The following TGFB2 variants were observed in gnomAD, a reference collection of about 807,000 sequenced individuals.
TGFB2 encodes transforming growth factor beta-2 proprotein.
TGFB2 carries 13 observed loss-of-function variants against 42.7 expected under a neutral mutation model. The ratio of observed to expected loss-of-function variants is 0.30; its 90% CI spans 0.20 to 0.48. TGFB2 has a LOEUF of 0.48. TGFB2 is among the 20% of genes least tolerant of loss of function. The pLI, the probability that TGFB2 is intolerant of heterozygous loss-of-function variation, is 0.99. For synonymous variants in TGFB2, 193 were observed against 193.6 expected (o/e 1.00, Z 0.03); for missense variants, 390 against 517.5 (o/e 0.75, Z 2.39).
chr1:218,357,715 C>T lies in TGFB2; in HGVS notation c.346+10668C>T, dbSNP rs1038682031. 3.9e-5 allele frequency among the ~76,000 whole-genome samples: 6 copies of T among 152,302 alleles called. No homozygotes were observed. The East Asian group carries it at 1.2e-3, about 29-fold the overall frequency. On this transcript the variant is annotated intron_variant, in intron 1 of 6. Transcript: ENST00000366930. ...TCTGGAAATAGTTTGAATGCATTTC[C>T]ATCCCTCCACAGGCAGCTGTTTTTC...
At chr1:218,433,044 C>T (rs539369520) in intron 2 of TGFB2, among the ~76,000 whole-genome samples, 11 of 152,150 alleles carry the variant, frequency 7.2e-5, no homozygotes, top group African/African-American at 2.4e-4. Flanking sequence ...GATAAATACA[C>T]CTTTCTTGAA....
At chr1:218,422,121 A>G (rs945452379) in intron 2 of TGFB2, among the ~76,000 whole-genome samples, 4 of 152,142 alleles carry the variant, frequency 2.6e-5, no homozygotes, top group Non-Finnish European at 5.9e-5. Context: ...ATCCTAGTAT[A>G]TATTGTTAGA....
intron 1 of TGFB2, among the ~76,000 whole-genome samples, chr1:218,399,713 G>A (rs757930303): frequency 6.6e-5 from 10 of 152,056 alleles, no homozygotes; most frequent in East Asian, 3.9e-4. Context: ...AGTATATAGC[G>A]TCATGTATAA....
intron 1 of TGFB2, among the ~76,000 whole-genome samples, chr1:218,399,238 C>G (rs76880472): frequency 0.11 from 16,057 of 152,124 alleles, 1,081 homozygotes; most frequent in South Asian, 0.19. Flanking sequence ...ACAGAGAGTT[C>G]CTATATACCC....
Position 218,444,277 on chromosome 1 carries a change from G to C in TGFB2, c.*2915G>C, listed in dbSNP as rs1660250628. 1 of 152,162 alleles carries C rather than the reference G, an allele frequency of 6.6e-6. No individual in the cohort carries two copies. Among genetic ancestry groups the C allele is most frequent in the African/African-American group, 2.4e-5 (1 of 41,442 alleles). The allele number at this position is 152,162 out of a possible 1,614,324, so 9.4% of individuals were successfully genotyped here. A position where few individuals can be genotyped will look rare whatever the true frequency, so the allele number is the denominator to read the frequency against. ...TTCCATCCAGCTTGACTGCCGACCA[G>C]AAAAAATGCAGAGAGATGTTTGCAC... On this transcript the variant is annotated 3_prime_UTR_variant, in exon 7 of 7. Coordinates refer to ENST00000366930, the MANE Select transcript of TGFB2 (RefSeq NM_003238.6).
chr1:218,382,229 A>G (rs926825045), intron 1 of TGFB2, among the ~76,000 whole-genome samples: 5 of 152,232 alleles, frequency 3.3e-5, no homozygotes, highest in African/African-American at 1.2e-4. Flanking sequence ...AGCTGGAAAT[A>G]TAAGTAGAAA....
At chr1:218,417,120 C>T (rs576061335) in intron 2 of TGFB2, among the ~76,000 whole-genome samples, 6 of 152,158 alleles carry the variant, frequency 3.9e-5, no homozygotes, top group Non-Finnish European at 7.3e-5. Flanking sequence ...AACTGGGTAA[C>T]GAGCAGAGGT....
chr1:218,367,660 T>C (rs964806608), intron 1 of TGFB2, among the ~76,000 whole-genome samples: 1 of 152,220 alleles, frequency 6.6e-6, no homozygotes, highest in Non-Finnish European at 1.5e-5. Flanking sequence ...GACTTGATAG[T>C]GTTCATTTTA....
In TGFB2 at chr1:218,356,898, A is replaced by G. The variant is rs542596118; in HGVS notation, c.346+9851A>G. On this transcript the variant is annotated intron_variant, in intron 1 of 6. Transcript: ENST00000366930. ...TTTTAAAGGCGGCTTTAGCAATAGT[A>G]TGACATTACGGTGTAGAAATCTAAA... is the stretch of plus-strand genomic sequence containing the variant. 4.6e-5 allele frequency among the ~76,000 whole-genome samples: 7 copies of G among 152,336 alleles called. No homozygotes were observed. The East Asian group carries it at 1.2e-3, about 25-fold the overall frequency.
intron 1 of TGFB2, among the ~76,000 whole-genome samples, chr1:218,400,604 A>G (rs765685347): frequency 1.3e-5 from 2 of 152,164 alleles, no homozygotes; most frequent in Non-Finnish European, 2.9e-5. Flanking sequence ...AAAATCTCAG[A>G]AATCACCCAT....
At chr1:218,439,969 A>G (rs1268126516) in intron 6 of TGFB2, among the ~76,000 whole-genome samples, 1 of 152,216 alleles carries the variant, frequency 6.6e-6, no homozygotes, top group Non-Finnish European at 1.5e-5. Context: ...AATCTCGAGG[A>G]AAAGGTCACT....
chr1:218,353,200 T>A (rs1656922286), intron 1 of TGFB2, among the ~76,000 whole-genome samples: 1 of 152,208 alleles, frequency 6.6e-6, no homozygotes. Context: ...TAACCTCGGA[T>A]GTCTTGGAAC....
At chr1:218,432,475 T>C (rs766116285) in intron 2 of TGFB2, among the ~76,000 whole-genome samples, 1 of 152,194 alleles carries the variant, frequency 6.6e-6, no homozygotes, top group Non-Finnish European at 1.5e-5. Flanking sequence ...TCCTTTTCTA[T>C]ATTTACTTAA....
At chr1:218,419,029 A>G (rs1659369764) in intron 2 of TGFB2, among the ~76,000 whole-genome samples, 1 of 152,202 alleles carries the variant, frequency 6.6e-6, no homozygotes, top group Non-Finnish European at 1.5e-5. Context: ...CATAGCAATC[A>G]AAGTGATTCC....
At chr1:218,375,163 T>C (rs150822547) in intron 1 of TGFB2, among the ~76,000 whole-genome samples, 8 of 152,346 alleles carry the variant, frequency 5.3e-5, no homozygotes, top group African/African-American at 1.7e-4. Flanking sequence ...ATGTTTCTTT[T>C]GCTTTGTATA....
intron 1 of TGFB2, among the ~76,000 whole-genome samples, chr1:218,376,971 G>C (rs564151438): frequency 1.4e-4 from 21 of 152,244 alleles, no homozygotes; most frequent in Non-Finnish European, 2.6e-4. Flanking sequence ...ATAGCTCACT[G>C]CAGCCTTGAC....
Position 218,440,924 on chromosome 1 carries a change from G to GA in TGFB2, c.1087-276dup, listed in dbSNP as rs10482837. 0.1 allele frequency among the ~76,000 whole-genome samples: 15,410 copies of GA among 152,176 alleles called. 1,064 individuals are homozygous for GA. The highest frequency in any genetic ancestry group is 0.18 in the African/African-American group (7,610 of 41,474). On this transcript the variant is annotated intron_variant, in intron 6 of 6. Transcript: ENST00000366930. The stretch of plus-strand genomic sequence containing the variant: ...AGGAAAGACTTACTGGAAAAACCGG[G>GA]AAAATCTGTTGAATGAGCAATTTTT...
At chr1:218,368,432 C>A (rs560887643) in intron 1 of TGFB2, among the ~76,000 whole-genome samples, 2 of 152,288 alleles carry the variant, frequency 1.3e-5, no homozygotes, top group East Asian at 1.9e-4. Flanking sequence ...CCACCGTGCC[C>A]GGCCTATTCA....
intron 1 of TGFB2, among the ~76,000 whole-genome samples, chr1:218,382,622 T>C (rs1658001866): frequency 6.6e-6 from 1 of 152,226 alleles, no homozygotes; most frequent in South Asian, 2.1e-4. Context: ...TTTTTTTCTC[T>C]ACTTACTTCA....
Sources: allele counts gnomAD v4.1 joint callset (sites outside exome capture counted in the v4.1 genomes callset), GRCh38; gene constraint gnomAD v4.1.1; transcripts MANE v1.5; gene names NCBI Gene and HGNC (gene_info 2026-07-23, HGNC 2026-07-21).